The following KMT2A variants were observed in gnomAD, a reference collection of about 807,000 sequenced individuals.
KMT2A encodes histone-lysine N-methyltransferase 2A.
A neutral mutation model predicts 345.3 loss-of-function variants in KMT2A; 16 were observed. That is an observed-to-expected ratio of 0.05 (90% CI 0.03 to 0.07). KMT2A has a LOEUF of 0.07. KMT2A is among the 10% of genes least tolerant of loss of function. The pLI is 1.00. For missense variants in KMT2A, 3,272 were observed against 4,841.6 expected (o/e 0.68, Z 9.62); for synonymous variants, 1,599 against 1,778.6 (o/e 0.90, Z 2.54).
chr11:118,507,952 G>A (rs1950617553), intron 28 of KMT2A, among the ~76,000 whole-genome samples: 1 of 152,168 alleles, frequency 6.6e-6, no homozygotes, highest in Non-Finnish European at 1.5e-5. Context: ...GATAGAGCAA[G>A]ACTCCGTTTC....
intron 31 of KMT2A, chr11:118,512,324 A>G: frequency 2.5e-6 from 1 of 403,374 alleles, no homozygotes; most frequent in Non-Finnish European, 4.4e-6. Context: ...CCACAAATCT[A>G]CTTTCTGTCT....
chr11:118,481,916 C>T lies in KMT2A; in HGVS notation c.3836C>T (p.Pro1279Leu), dbSNP rs1555039381. ...EKSEEGNVSA[P>L]GPESKQATTP... is the part of the protein sequence containing the mutation. ...AGTGAAGAAGGGAATGTCTCGGCCC[C>T]TGGGCCTGAATCCAAACAGGCCACC... The change falls in exon 7 of 36, where the codon CCT (proline) becomes CTT (leucine). Residue 1279 changes from proline (P) to leucine (L), a missense_variant. Pro to Leu is a moderately conservative substitution (Grantham distance 98). Transcript: ENST00000534358. 1 of 1,614,196 alleles carries T rather than the reference C, an allele frequency of 6.2e-7. No homozygotes were observed. The highest frequency in any genetic ancestry group is 2.2e-5 in the East Asian group (1 of 44,886).
chr11:118,507,736 A>G (rs1555048978), intron 28 of KMT2A, 127 bp downstream of exon 28: 4 of 696,294 alleles, frequency 5.7e-6, no homozygotes, highest in African/African-American at 5.3e-5. Context: ...AGGCCGAGGC[A>G]GGTGGATCAC....
chr11:118,523,483 C>T lies in KMT2A; in HGVS notation c.*1311C>T. 4.5e-6 allele frequency: 1 copy of T among 224,488 alleles called. No individual in the cohort carries two copies. Among genetic ancestry groups the T allele is most frequent in the Non-Finnish European group, 8.9e-6 (1 of 112,334 alleles). 13.9% of individuals were successfully genotyped at this position (224,488 alleles called of 1,614,324 possible). A position where few individuals can be genotyped will look rare whatever the true frequency, so the allele number is the denominator to read the frequency against. ...TCAAATGTTTCTTCTCTTCCTTTCC[C>T]CAAGACAGAGTCCTGAACCTGTTAA... On this transcript the variant is annotated 3_prime_UTR_variant, in exon 36 of 36. Coordinates refer to ENST00000534358, the MANE Select transcript of KMT2A (RefSeq NM_001197104.2).
chr11:118,525,047 A>G lies in KMT2A; in HGVS notation c.*2875A>G, dbSNP rs947757610. 2 of 214,380 alleles carry G rather than the reference A, an allele frequency of 9.3e-6. No homozygotes were observed. The highest frequency in any genetic ancestry group is 1.2e-4 in the Admixed American group (2 of 17,054). The allele number at this position is 214,380 out of a possible 1,614,324, so 13.3% of individuals were successfully genotyped here. Reference sequence around the variant, plus strand: ...GAGTCCATTGCCAAATTTTCAGCACACCTGCCAGCAACTTGGGGGAATAAG... The same window carrying G: ...GAGTCCATTGCCAAATTTTCAGCACGCCTGCCAGCAACTTGGGGGAATAAG... On this transcript the variant is annotated 3_prime_UTR_variant, in exon 36 of 36. Transcript: ENST00000534358.
chr11:118,489,589 T>C (rs1446150798), intron 11 of KMT2A, among the ~76,000 whole-genome samples: 1 of 152,224 alleles, frequency 6.6e-6, no homozygotes, highest in Non-Finnish European at 1.5e-5. Context: ...CTACCTAATA[T>C]GAATACTCAT....
chr11:118,490,258 A>G lies in KMT2A; in HGVS notation c.4696+9A>G. On this transcript the variant is annotated intron_variant, in intron 13 of 35. Transcript: ENST00000534358. This position sits in a 1 kb window ranked among gnomAD's most constrained non-coding sequence, Gnocchi z 4.2. ...CAAGCTCTTTGCTAAAGGTACCCAAAAAAGCCAGTTTTGCCAGCTTTCGGA... is the reference window on the plus strand; with the variant it reads ...CAAGCTCTTTGCTAAAGGTACCCAAGAAAGCCAGTTTTGCCAGCTTTCGGA... 1 of 1,542,576 alleles carries G rather than the reference A, an allele frequency of 6.5e-7. No individual in the cohort carries two copies. Among genetic ancestry groups the G allele is most frequent in the Non-Finnish European group, 8.7e-7 (1 of 1,153,460 alleles).
intron 1 of KMT2A, among the ~76,000 whole-genome samples, chr11:118,442,262 C>T (rs781960530): frequency 6.6e-6 from 1 of 152,172 alleles, no homozygotes; most frequent in Non-Finnish European, 1.5e-5. Flanking sequence ...ACTATCACTA[C>T]TTTGGGAGGA....
chr11:118,499,522 G>A (rs781924864), intron 23 of KMT2A, 102 bp downstream of exon 23: 27 of 807,492 alleles, frequency 3.3e-5, no homozygotes, highest in Non-Finnish European at 5.0e-5. Context: ...GGTGTCTCAC[G>A]CCTGTAATCC....
In KMT2A at chr11:118,484,220, G is replaced by A. The variant is rs2134311299; in HGVS notation, c.4124G>A (p.Gly1375Asp). 3.7e-6 allele frequency: 6 copies of A among 1,614,084 alleles called. No individual in the cohort carries two copies. The highest frequency in any genetic ancestry group is 5.1e-6 in the Non-Finnish European group (6 of 1,179,982). Reference protein sequence around the residue: ...PPPVNKQENAGTLNILSTLSN... With the variant: ...PPPVNKQENADTLNILSTLSN... ...CCGGTCAATAAGCAGGAGAATGCAGGCACTTTGAACATCCTCAGCACTCTC... is the reference window on the plus strand; with the variant it reads ...CCGGTCAATAAGCAGGAGAATGCAGACACTTTGAACATCCTCAGCACTCTC... The change falls in exon 9 of 36, where the codon GGC becomes GAC. Residue 1375 changes from glycine to aspartate, a missense_variant. Coordinates refer to ENST00000534358, the MANE Select transcript of KMT2A (RefSeq NM_001197104.2). The surrounding 1 kb of genome is among the most constrained non-coding windows in gnomAD (Gnocchi z 4.1).
At chr11:118,438,112 G>A (rs1555139220) in intron 1 of KMT2A, among the ~76,000 whole-genome samples, 2 of 152,168 alleles carry the variant, frequency 1.3e-5, no homozygotes, top group Non-Finnish European at 2.9e-5. Context: ...GGTGAGGAGA[G>A]TAGATAAGGG....
chr11:118,456,333 A>T (rs1192058528), intron 1 of KMT2A, among the ~76,000 whole-genome samples: 1 of 152,016 alleles, frequency 6.6e-6, no homozygotes, highest in South Asian at 2.1e-4. Flanking sequence ...CTAAAAATTT[A>T]AAAAATGAAC....
chr11:118,484,251 T>A lies in KMT2A; in HGVS notation c.4155T>A (p.Asn1385Lys). The A allele has an allele frequency of 6.2e-7, 1 of 1,614,140 alleles. No homozygotes were observed. Among genetic ancestry groups the A allele is most frequent in the Non-Finnish European group, 8.5e-7 (1 of 1,180,026 alleles). ...GTLNILSTLS[N>K]GNSSKQKIPA... ...TGAACATCCTCAGCACTCTCTCCAA[T>A]GGCAATAGTTCTAAGCAAAAAATTC... The change falls in exon 9 of 36, where the codon AAT (asparagine) becomes AAA (lysine). Residue 1385 changes from asparagine to lysine, a missense_variant. Transcript: ENST00000534358. This position sits in a 1 kb window ranked among gnomAD's most constrained non-coding sequence, Gnocchi z 4.1.
rs1555042352 is a variant in KMT2A, at chr11:118,491,170, T to G, written c.4697-26T>G. On this transcript the variant is annotated intron_variant, in intron 13 of 35. Transcript: ENST00000534358. This position sits in a 1 kb window ranked among gnomAD's most constrained non-coding sequence, Gnocchi z 4.2. Reference sequence around the variant, plus strand: ...AACACGGGTATGTGAGCCAAAGCACTGCTGTAAACTTTGCTTTGCTTTCAG... The same window carrying G: ...AACACGGGTATGTGAGCCAAAGCACGGCTGTAAACTTTGCTTTGCTTTCAG... The G allele has an allele frequency of 2.5e-6, 4 of 1,609,934 alleles. No individual in the cohort carries two copies. In the East Asian group the frequency reaches 6.7e-5, roughly 27 times the overall value.
chr11:118,501,726 C>T lies in KMT2A; in HGVS notation c.6374C>T (p.Pro2125Leu), dbSNP rs782226750. 2.3e-5 allele frequency: 37 copies of T among 1,613,948 alleles called. No homozygotes were observed. Among genetic ancestry groups the T allele is most frequent in the Admixed American group, 5.0e-5 (3 of 59,996 alleles). ...NTAEIISPPS[P>L]DRPPHSQTSG... ...GCTGAAATTATAAGTCCTCCATCACCAGACCGACCTCCTCATTCACAAACC... is the reference window on the plus strand; with the variant it reads ...GCTGAAATTATAAGTCCTCCATCACTAGACCGACCTCCTCATTCACAAACC... Residue 2125 changes from proline (P) to leucine (L), a missense_variant, in exon 26 of 36, where the codon CCA becomes CTA. Coordinates refer to ENST00000534358, the MANE Select transcript of KMT2A (RefSeq NM_001197104.2).
At chr11:118,479,383 T>C (rs1950093442) in intron 5 of KMT2A, among the ~76,000 whole-genome samples, 1 of 152,230 alleles carries the variant, frequency 6.6e-6, no homozygotes, top group South Asian at 2.1e-4. Context: ...TGATTAAGCA[T>C]CTTGTAAACT....
At position 118,498,587 on chromosome 11, in the gene KMT2A, G is replaced by C. The variant is rs972667611; in HGVS notation, c.5961+59G>C. 1 of 1,512,910 alleles carries C rather than the reference G, an allele frequency of 6.6e-7. No homozygotes were observed. Among genetic ancestry groups the C allele is most frequent in the Non-Finnish European group, 8.8e-7 (1 of 1,132,168 alleles). 93.7% of individuals were successfully genotyped at this position (1,512,910 alleles called of 1,614,324 possible). A position where few individuals can be genotyped will look rare whatever the true frequency, so the allele number is the denominator to read the frequency against. On this transcript the variant is annotated intron_variant, in intron 22 of 35. Transcript: ENST00000534358. This position sits in a 1 kb window ranked among gnomAD's most constrained non-coding sequence, Gnocchi z 4.4. Reference sequence around the variant, plus strand: ...AAAAGACTTTTTTAGAGCAGTTTTAGGTTCACAGCAAAATTGACTGGAAGG... The same window carrying C: ...AAAAGACTTTTTTAGAGCAGTTTTACGTTCACAGCAAAATTGACTGGAAGG...
intron 1 of KMT2A, among the ~76,000 whole-genome samples, chr11:118,457,513 C>T (rs979060745): frequency 6.6e-6 from 1 of 151,874 alleles, no homozygotes; most frequent in Middle Eastern, 3.4e-3. Context: ...CCTCATGATC[C>T]ACCTGCGTTG....
Position 118,502,874 on chromosome 11 carries a change from T to C in KMT2A, c.6982T>C (p.Tyr2328His). 1 of 1,614,196 alleles carries C rather than the reference T, an allele frequency of 6.2e-7. No homozygotes were observed. The highest frequency in any genetic ancestry group is 8.5e-7 in the Non-Finnish European group (1 of 1,180,038). The change falls in exon 27 of 36, where the codon TAC becomes CAC. Residue 2328 changes from tyrosine (Y) to histidine (H), a missense_variant. By Grantham distance (83) the Tyr-to-His change is moderately conservative (BLOSUM62 2). Coordinates refer to ENST00000534358, the MANE Select transcript of KMT2A (RefSeq NM_001197104.2). The surrounding 1 kb of genome is among the most constrained non-coding windows in gnomAD (Gnocchi z 4.9). ...AGAGGGATCTGCACATAATGTGGCT[T>C]ACCCTGGAATTCCTAAACTGGCCCC... ...SSEGSAHNVA[Y>H]PGIPKLAPQV...
Sources: allele counts gnomAD v4.1 joint callset (sites outside exome capture counted in the v4.1 genomes callset), GRCh38; gene constraint gnomAD v4.1.1; non-coding constraint Gnocchi (gnomAD v3.1); transcripts MANE v1.5; gene names NCBI Gene and HGNC (gene_info 2026-07-23, HGNC 2026-07-21).